Variants in VWF observed in about 807,000 individuals in gnomAD.
VWF encodes von Willebrand factor.
In VWF, 176 loss-of-function variants were observed where a neutral mutation model predicts 308.6. That is an observed-to-expected ratio of 0.57 (90% CI 0.50 to 0.65). VWF has a LOEUF of 0.65. Ranked by LOEUF, VWF falls within the 30% of genes least tolerant of loss-of-function variation. The probability of loss-of-function intolerance (pLI) is 0.00; values close to 1 mark genes in which losing one functional copy is unlikely to be tolerated. For synonymous variants in VWF, 1,385 were observed against 1,443.4 expected (o/e 0.96, Z 0.92); for missense variants, 3,146 against 3,648.2 (o/e 0.86, Z 3.55).
intron 10 of VWF, among the ~76,000 whole-genome samples, chr12:6,070,157 G>A (rs949603771): frequency 2.0e-5 from 3 of 152,204 alleles, no homozygotes; most frequent in East Asian, 1.9e-4. Flanking sequence ...GTGTAATTAC[G>A]TTCAGTGGAG....
At chr12:6,070,098 T>C (rs1456311829) in intron 10 of VWF, among the ~76,000 whole-genome samples, 1 of 152,268 alleles carries the variant, frequency 6.6e-6, no homozygotes, top group Non-Finnish European at 1.5e-5. Flanking sequence ...CACAGGTTAA[T>C]TGCAGCAACT....
Position 6,019,798 on chromosome 12 carries a change from C to G in VWF, c.3675-55G>C. The G allele has an allele frequency of 6.5e-7, 1 of 1,546,032 alleles. No homozygotes were observed. The highest frequency in any genetic ancestry group is 8.7e-7 in the Non-Finnish European group (1 of 1,143,434). On this transcript the variant is annotated intron_variant, in intron 27 of 51. Coordinates refer to ENST00000261405, the MANE Select transcript of VWF (RefSeq NM_000552.5). The surrounding 1 kb of genome is among the most constrained non-coding windows in gnomAD (Gnocchi z 5.8). ...GTTCAGGAAGAACCTGTGGACACTT[C>G]TGAGCCCTACAGTGTACAATGACTT...
chr12:6,103,373 TGTGTGTATACACGTGTGTGTATACAC>T lies in VWF; in HGVS notation c.532+6975_532+7000del, dbSNP rs1343217554. 1.7e-4 allele frequency among the ~76,000 whole-genome samples: 24 copies of T among 141,908 alleles called. 1 individual carries two copies. Among genetic ancestry groups the T allele is most frequent in the Admixed American group, 3.5e-4 (5 of 14,454 alleles). The allele number at this position is 141,908 out of a possible 152,430, so 93.1% of individuals were successfully genotyped here. A position where few individuals can be genotyped will look rare whatever the true frequency, so the allele number is the denominator to read the frequency against. ...GTGTATATATACATATATATGTGTGTGTGTGTATACACGTGTGTGTATACACGTGTGTGTATACACACGTGTGTGTA... is the reference window on the plus strand; with the variant it reads ...GTGTATATATACATATATATGTGTGTGTGTGTGTATACACACGTGTGTGTA... On this transcript the variant is annotated intron_variant, in intron 5 of 51. Coordinates refer to ENST00000261405, the MANE Select transcript of VWF (RefSeq NM_000552.5).
In VWF at chr12:6,110,579, G is replaced by C; in HGVS notation, c.327C>G (p.Val109=). The change falls in exon 5 of 52, where the codon GTC becomes GTG. Residue 109 remains valine (V), a synonymous_variant. Transcript: ENST00000261405. ...NGTVTQGDQR[V]SMPYASKGLY... ...GCCCTTTGGAGGCATAGGGCATGGA[G>C]ACTCTGGAGGGCAAAGGCTAAGTTC... 6.2e-7 allele frequency: 1 copy of C among 1,614,152 alleles called. No individual in the cohort carries two copies. The highest frequency in any genetic ancestry group is 8.5e-7 in the Non-Finnish European group (1 of 1,180,022).
chr12:6,073,766 T>C lies in VWF; in HGVS notation c.875-25A>G, dbSNP rs553656573. ...CCTGAAAAGGAACATCAAAGGGGTC[T>C]ACCCAGGGCAGGTCCCACCGGTGCA... On this transcript the variant is annotated intron_variant, in intron 7 of 51. Transcript: ENST00000261405. 1.9e-6 allele frequency: 3 copies of C among 1,613,490 alleles called. No homozygotes were observed. In the South Asian group the frequency reaches 3.3e-5, roughly 18 times the overall value.
chr12:6,022,194 C>T (rs1296017247), intron 26 of VWF, among the ~76,000 whole-genome samples, 159 bp from the exon 27 acceptor site: 1 of 152,104 alleles, frequency 6.6e-6, no homozygotes, highest in Non-Finnish European at 1.5e-5. Flanking sequence ...CAAGGAGCAT[C>T]TCTCCTGCTT....
At chr12:6,051,317 A>G (rs1944508666) in intron 16 of VWF, among the ~76,000 whole-genome samples, 1 of 128,228 alleles carries the variant, frequency 7.8e-6, no homozygotes, top group African/African-American at 3.3e-5. Flanking sequence ...TTTGAGATAG[A>G]GTCTCGCTCT....
chr12:5,968,148 C>T lies in VWF; in HGVS notation c.7749G>A (p.Met2583Ile). Residue 2583 changes from methionine (M) to isoleucine (I), a missense_variant, in exon 46 of 52, where the codon ATG becomes ATA. By Grantham distance (10) the Met-to-Ile change is conservative. Around this residue, in one of 3 missense-constraint regions of VWF, gnomAD observed 989 missense variants for 1,117.4 expected, o/e 0.89. Transcript: ENST00000261405. ...TCACCCCAATGACAGTGCCATTGAGCATGCAGGCCTCCATGCGCTCTGGGG... is the reference window on the plus strand; with the variant it reads ...TCACCCCAATGACAGTGCCATTGAGTATGCAGGCCTCCATGCGCTCTGGGG... Reference protein sequence around the residue: ...SCRCERMEACMLNGTVIGPGK... With the variant: ...SCRCERMEACILNGTVIGPGK... 1.9e-6 allele frequency: 3 copies of T among 1,614,116 alleles called. No individual in the cohort carries two copies. Among genetic ancestry groups the T allele is most frequent in the East Asian group, 2.2e-5 (1 of 44,874 alleles).
intron 5 of VWF, among the ~76,000 whole-genome samples, chr12:6,098,331 T>C (rs1000672073): frequency 2.0e-5 from 3 of 152,210 alleles, no homozygotes; most frequent in Admixed American, 1.3e-4. Context: ...TTTCAGTTTT[T>C]AAACCTTAAA....
At chr12:6,084,787 C>A (rs1187039277) in intron 6 of VWF, among the ~76,000 whole-genome samples, 2 of 152,048 alleles carry the variant, frequency 1.3e-5, no homozygotes, top group Non-Finnish European at 2.9e-5. Flanking sequence ...ATGGAGGCGC[C>A]TGGAGTCTGA....
At chr12:6,076,096 G>T (rs763321173) in intron 6 of VWF, among the ~76,000 whole-genome samples, 1 of 152,032 alleles carries the variant, frequency 6.6e-6, no homozygotes, top group Non-Finnish European at 1.5e-5. Context: ...CACTCCCCAG[G>T]TGATTGCTGG....
At chr12:5,988,171 C>T (rs11063975) in intron 38 of VWF, among the ~76,000 whole-genome samples, 3 of 152,154 alleles carry the variant, frequency 2.0e-5, no homozygotes, top group East Asian at 1.9e-4. Flanking sequence ...AAGGCACAGA[C>T]GAAGGAACAC....
At position 6,023,070 on chromosome 12, in the gene VWF, T is replaced by C. The variant is rs142176024; in HGVS notation, c.3380-172A>G. On this transcript the variant is annotated intron_variant, in intron 25 of 51. Coordinates refer to ENST00000261405, the MANE Select transcript of VWF (RefSeq NM_000552.5). The stretch of plus-strand genomic sequence containing the variant: ...GTTGAAGCACCTAAACCAGAATCTA[T>C]TGGTTCTGAATTCATTTCTTTTTTT... Among the ~76,000 whole-genome samples, 569 of 151,458 alleles carry C rather than the reference T, an allele frequency of 3.8e-3. 7 individuals are homozygous for C. Among genetic ancestry groups the C allele is most frequent in the African/African-American group, 0.013 (545 of 41,168 alleles).
chr12:6,008,199 A>G (rs1236269307), intron 34 of VWF, among the ~76,000 whole-genome samples: 3 of 136,362 alleles, frequency 2.2e-5, no homozygotes, highest in Non-Finnish European at 3.1e-5. Flanking sequence ...CCCTGATACC[A>G]AAGTCAAAGA....
In VWF at chr12:6,075,347, G is replaced by T; in HGVS notation, c.862C>A (p.His288Asn). 1 of 1,613,992 alleles carries T rather than the reference G, an allele frequency of 6.2e-7. No individual in the cohort carries two copies. The highest frequency in any genetic ancestry group is 8.5e-7 in the Non-Finnish European group (1 of 1,180,010). ...GGGGCCGACTTACTGCACGCGCTGT[G>T]GTCGGTCCAGCCGTACAGCACCATT... is the stretch of plus-strand genomic sequence containing the variant. Reference protein sequence around the residue: ...EGMVLYGWTDHSACSPVCPAG... With the variant: ...EGMVLYGWTDNSACSPVCPAG... Residue 288 changes from histidine to asparagine, a missense_variant, in exon 7 of 52, where the codon CAC (histidine) becomes AAC (asparagine). This residue lies in a region of VWF where 1,304 missense variants were observed against 1,353.0 expected (regional missense o/e 0.96). Transcript: ENST00000261405. This position sits in a 1 kb window ranked among gnomAD's most constrained non-coding sequence, Gnocchi z 4.7.
At chr12:6,006,907 T>A (rs1943935414) in intron 34 of VWF, among the ~76,000 whole-genome samples, 1 of 152,180 alleles carries the variant, frequency 6.6e-6, no homozygotes, top group African/African-American at 2.4e-5. Flanking sequence ...AAAAGATATT[T>A]CATGCCAATG....
At chr12:6,114,096 T>A (rs1945339651) in intron 3 of VWF, among the ~76,000 whole-genome samples, 1 of 152,158 alleles carries the variant, frequency 6.6e-6, no homozygotes, top group Non-Finnish European at 1.5e-5. Context: ...AACCAATATG[T>A]CACCTCCGAG....
At chr12:5,973,763 C>T (rs1943503719) in intron 43 of VWF, among the ~76,000 whole-genome samples, 2 of 152,180 alleles carry the variant, frequency 1.3e-5, no homozygotes, top group Non-Finnish European at 2.9e-5. Context: ...AATGGACTTC[C>T]TTTGGCTTCT....
intron 6 of VWF, among the ~76,000 whole-genome samples, chr12:6,090,285 T>G (rs997613970): frequency 2.0e-5 from 3 of 152,056 alleles, no homozygotes; most frequent in African/African-American, 4.8e-5. Context: ...ACACAATACC[T>G]CGAGTGCACT....
Sources: allele counts gnomAD v4.1 joint callset (sites outside exome capture counted in the v4.1 genomes callset), GRCh38; gene constraint gnomAD v4.1.1; regional missense constraint gnomAD v4.1.1; non-coding constraint Gnocchi (gnomAD v3.1); transcripts MANE v1.5; gene names NCBI Gene and HGNC (gene_info 2026-07-23, HGNC 2026-07-21).